The following ZNF575 variants were observed in gnomAD, a reference collection of about 807,000 sequenced individuals.
The protein encoded by ZNF575 is zinc finger protein 575.
Under a neutral mutation model 17.5 loss-of-function variants are expected in ZNF575, and 17 were observed. The ratio of observed to expected loss-of-function variants is 0.97; its 90% CI spans 0.66 to 1.45. The LOEUF is 1.45. Ranked by LOEUF, ZNF575 falls within the 40% of genes most tolerant of loss-of-function variation. ZNF575 has a pLI of 0.00. For missense variants in ZNF575, 352 were observed against 359.2 expected (o/e 0.98, Z 0.16); for synonymous variants, 146 against 158.3 (o/e 0.92, Z 0.58).
chr19:43,535,541 T>C lies in ZNF575; in HGVS notation c.592T>C (p.Cys198Arg), dbSNP rs376173848. Residue 198 changes from cysteine (C) to arginine (R), a missense_variant, in exon 4 of 4, where the codon TGT (cysteine) becomes CGT (arginine). Physicochemically the swap from Cys to Arg is radical, Grantham distance 180 (BLOSUM62 -3). Transcript: ENST00000314228. ...FPSKLAAHRL[C>R]HDPPTAPGSQ... is the part of the protein sequence containing the mutation. ...CTCCAAGCTGGCCGCCCATCGCCTA[T>C]GTCACGACCCCCCAACCGCGCCCGG... 3 of 1,613,824 alleles carry C rather than the reference T, an allele frequency of 1.9e-6. No individual in the cohort carries two copies. Among genetic ancestry groups the C allele is most frequent in the Non-Finnish European group, 1.7e-6 (2 of 1,179,962 alleles).
At position 43,534,318 on chromosome 19, in the gene ZNF575, G is replaced by A. The variant is rs760197324; in HGVS notation, c.-86-19G>A. The A allele has an allele frequency of 2.7e-6, 3 of 1,113,752 alleles. No individual in the cohort carries two copies. In the South Asian group the frequency reaches 4.1e-5, roughly 15 times the overall value. 69.0% of individuals were successfully genotyped at this position (1,113,752 alleles called of 1,614,324 possible). Reference sequence around the variant, plus strand: ...TACTTGCAGACCTTGCTCCTAAACAGTGTGATCCCTCATTTTAGGCCCTCC... The same window carrying A: ...TACTTGCAGACCTTGCTCCTAAACAATGTGATCCCTCATTTTAGGCCCTCC... On this transcript the variant is annotated intron_variant, in intron 2 of 3. Coordinates refer to ENST00000314228, the MANE Select transcript of ZNF575 (RefSeq NM_174945.3).
At chr19:43,534,591 T>C (rs1338691386) in intron 3 of ZNF575, 90 bp downstream of exon 3, 5 of 1,259,390 alleles carry the variant, frequency 4.0e-6, no homozygotes, top group Non-Finnish European at 5.3e-6. Flanking sequence ...GGTGAAAATT[T>C]GAGGGCCCTA....
Position 43,535,058 on chromosome 19 carries a change from AG to A in ZNF575, c.110del (p.Ser37ThrfsTer47). On this transcript the variant is annotated frameshift_variant, in exon 4 of 4. Transcript: ENST00000314228. LOFTEE classifies it high-confidence loss of function. ...CCACCAGGGCCCACCGCAGAAGCCC[AG>A]CCAGTCAGCTCCAGGGCCCACCGCG... ...APHQGPPQKP[S>X]QSAPGPTASA... 1 of 1,485,208 alleles carries A rather than the reference AG, an allele frequency of 6.7e-7. No homozygotes were observed. The highest frequency in any genetic ancestry group is 1.3e-5 in the South Asian group (1 of 77,274). The allele number at this position is 1,485,208 out of a possible 1,614,324, so 92.0% of individuals were successfully genotyped here.
At position 43,535,805 on chromosome 19, in the gene ZNF575, G is replaced by A; in HGVS notation, c.*118G>A. On this transcript the variant is annotated 3_prime_UTR_variant, in exon 4 of 4. Transcript: ENST00000314228. ...AGATAGCTGGCAGAGGGCAGGGCAA[G>A]GGATTGGCCATTTATACTGGGCTCG... 8.1e-7 allele frequency: 1 copy of A among 1,230,806 alleles called. No homozygotes were observed. Among genetic ancestry groups the A allele is most frequent in the Non-Finnish European group, 1.1e-6 (1 of 907,978 alleles). 76.2% of individuals were successfully genotyped at this position (1,230,806 alleles called of 1,614,324 possible). A position where few individuals can be genotyped will look rare whatever the true frequency, so the allele number is the denominator to read the frequency against.
upstream of ZNF575, chr19:43,531,941 A>ACTT (rs1216610101): frequency 2.9e-5 from 5 of 172,258 alleles, no homozygotes; most frequent in African/African-American, 3.4e-4. Context: ...ATTAAGCCAG[A>ACTT]CTTTTTTTTT....
chr19:43,531,944 T>TAA, upstream of ZNF575: 2 of 200,424 alleles, frequency 1.0e-5, no homozygotes, highest in Admixed American at 1.0e-4. Flanking sequence ...AAGCCAGACT[T>TAA]TTTTTTTTTT....
chr19:43,533,414 G>A lies in ZNF575; in HGVS notation c.-302G>A, dbSNP rs1422732635. On this transcript the variant is annotated 5_prime_UTR_variant, in exon 1 of 4. Transcript: ENST00000314228. ...CGACGCCGGACGCGCGCCGGGCGGGGCAGCTCCGCTGGTCCGAGGGCAGTG... is the reference window on the plus strand; with the variant it reads ...CGACGCCGGACGCGCGCCGGGCGGGACAGCTCCGCTGGTCCGAGGGCAGTG... The A allele has an allele frequency of 6.6e-6, 1 of 152,174 alleles. No individual in the cohort carries two copies. Among genetic ancestry groups the A allele is most frequent in the Non-Finnish European group, 1.5e-5 (1 of 68,030 alleles). The allele number at this position is 152,174 out of a possible 1,614,324, so 9.4% of individuals were successfully genotyped here.
chr19:43,531,942 C>CTT (rs869122064), upstream of ZNF575: 631 of 107,182 alleles, frequency 5.9e-3, 38 homozygotes, highest in African/African-American at 0.021. Flanking sequence ...TTAAGCCAGA[C>CTT]TTTTTTTTTT....
intron 3 of ZNF575, among the ~76,000 whole-genome samples, 153 bp from the exon 4 acceptor site, chr19:43,534,876 C>A (rs1040852245): frequency 3.3e-5 from 5 of 152,088 alleles, no homozygotes; most frequent in Non-Finnish European, 5.9e-5. Context: ...GAGGGGGGAG[C>A]AGAAACATGC....
In ZNF575 at chr19:43,534,379, C is replaced by A. The variant is rs747130334; in HGVS notation, c.-44C>A. The A allele has an allele frequency of 5.7e-5, 87 of 1,532,222 alleles. No homozygotes were observed. The highest frequency in any genetic ancestry group is 7.6e-5 in the Non-Finnish European group (86 of 1,135,582). 94.9% of individuals were successfully genotyped at this position (1,532,222 alleles called of 1,614,324 possible). A position where few individuals can be genotyped will look rare whatever the true frequency, so the allele number is the denominator to read the frequency against. ...CCATCAGCCTGGTCATCACCGGCGT[C>A]ACCCCCGCCCCGCGCCCTGCCCCTA... On this transcript the variant is annotated 5_prime_UTR_variant, in exon 3 of 4. Coordinates refer to ENST00000314228, the MANE Select transcript of ZNF575 (RefSeq NM_174945.3).
rs1467428570 is a variant in ZNF575 at position 43,533,203 on chromosome 19, C to T, written c.-513C>T. 4 of 152,364 alleles carry T rather than the reference C, an allele frequency of 2.6e-5. No homozygotes were observed. Among genetic ancestry groups the T allele is most frequent in the Middle Eastern group, 3.1e-3 (1 of 318 alleles). The allele number at this position is 152,364 out of a possible 1,614,324, so 9.4% of individuals were successfully genotyped here. A position where few individuals can be genotyped will look rare whatever the true frequency, so the allele number is the denominator to read the frequency against. ...TCGATACGGTAGCTTCGCGCTTGCT[C>T]ACGAACTTGCCTGCCTGGCTGGCGC... On this transcript the variant is annotated 5_prime_UTR_variant, in exon 1 of 4. Transcript: ENST00000314228.
In ZNF575 at chr19:43,533,237, C is replaced by A. The variant is rs1429264168; in HGVS notation, c.-479C>A. On this transcript the variant is annotated 5_prime_UTR_variant, in exon 1 of 4. Transcript: ENST00000314228. ...GCCTGCCTGGCTGGCGCACCCAGCC[C>A]CTCCTTCCATTCCTTCTTCCCCCTC... The A allele has an allele frequency of 6.6e-6, 1 of 152,344 alleles. No homozygotes were observed. The highest frequency in any genetic ancestry group is 2.4e-5 in the African/African-American group (1 of 41,466). The allele number at this position is 152,344 out of a possible 1,614,324, so 9.4% of individuals were successfully genotyped here.
chr19:43,532,825 G>C (rs1289031958), upstream of ZNF575: 1 of 152,304 alleles, frequency 6.6e-6, no homozygotes, highest in African/African-American at 2.4e-5. Flanking sequence ...GGGGAAGGTA[G>C]ATGGGTGCGT....
Position 43,534,390 on chromosome 19 carries a change from CGCGCCCT to C in ZNF575, c.-30_-24del. On this transcript the variant is annotated 5_prime_UTR_variant, in exon 3 of 4. Coordinates refer to ENST00000314228, the MANE Select transcript of ZNF575 (RefSeq NM_174945.3). The stretch of plus-strand genomic sequence containing the variant: ...GTCATCACCGGCGTCACCCCCGCCC[CGCGCCCT>C]GCCCCTAGGTTCCTGTGCCAGCAAG... 2 of 1,541,248 alleles carry C rather than the reference CGCGCCCT, an allele frequency of 1.3e-6. No individual in the cohort carries two copies. Among genetic ancestry groups the C allele is most frequent in the Non-Finnish European group, 1.7e-6 (2 of 1,143,498 alleles).
Position 43,535,579 on chromosome 19 carries a change from T to C in ZNF575, c.630T>C (p.Thr210=), listed in dbSNP as rs554760215. The C allele has an allele frequency of 3.7e-6, 6 of 1,613,864 alleles. No homozygotes were observed. The African/African-American group carries it at 6.7e-5, about 18-fold the overall frequency. The change falls in exon 4 of 4, where the codon ACT becomes ACC. Residue 210 remains threonine, a synonymous_variant. Transcript: ENST00000314228. ...CAACCGCGCCCGGCAGCCAGGCGAC[T>C]GCCTGGCACCGATGCTCCAGCTGCG... ...DPPTAPGSQA[T]AWHRCSSCGQ... is the part of the protein sequence containing the mutation.
rs1343320323 is a variant in ZNF575, at chr19:43,535,977, G to T, written c.*290G>T. 2 of 414,252 alleles carry T rather than the reference G, an allele frequency of 4.8e-6. No homozygotes were observed. The highest frequency in any genetic ancestry group is 7.9e-5 in the Admixed American group (2 of 25,170). The allele number at this position is 414,252 out of a possible 1,614,324, so 25.7% of individuals were successfully genotyped here. ...AAAAAGTCTGCTACTATCGTGGGTTGATGAGGATTGTGGGCAAACAGGCTC... is the reference window on the plus strand; with the variant it reads ...AAAAAGTCTGCTACTATCGTGGGTTTATGAGGATTGTGGGCAAACAGGCTC... On this transcript the variant is annotated 3_prime_UTR_variant, in exon 4 of 4. Coordinates refer to ENST00000314228, the MANE Select transcript of ZNF575 (RefSeq NM_174945.3).
At position 43,534,466 on chromosome 19, in the gene ZNF575, CT is replaced by C; in HGVS notation, c.45del (p.Ser16ValfsTer8). 1 of 1,507,884 alleles carries C rather than the reference CT, an allele frequency of 6.6e-7. No homozygotes were observed. The highest frequency in any genetic ancestry group is 1.4e-5 in the African/African-American group (1 of 70,914). The allele number at this position is 1,507,884 out of a possible 1,614,324, so 93.4% of individuals were successfully genotyped here. A position where few individuals can be genotyped will look rare whatever the true frequency, so the allele number is the denominator to read the frequency against. On this transcript the variant is annotated frameshift_variant, in exon 3 of 4. Transcript: ENST00000314228. LOFTEE classifies it high-confidence loss of function. ...GAESAAGATD[P>X]SPTGKEPVTK... The stretch of plus-strand genomic sequence containing the variant: ...GAGTCCGCGGCCGGGGCTACCGATC[CT>C]AGTCCCACTGGCAAGGAACCAGTGA...
At chr19:43,532,501 C>T (rs1972356706), upstream of ZNF575, among the ~76,000 whole-genome samples, 1 of 152,186 alleles carries the variant, frequency 6.6e-6, no homozygotes, top group African/African-American at 2.4e-5. Flanking sequence ...GATGAGGAAA[C>T]AGGCCTAGAA....
At position 43,534,382 on chromosome 19, in the gene ZNF575, C is replaced by T. The variant is rs1972384310; in HGVS notation, c.-41C>T. On this transcript the variant is annotated 5_prime_UTR_variant, in exon 3 of 4. Transcript: ENST00000314228. ...TCAGCCTGGTCATCACCGGCGTCAC[C>T]CCCGCCCCGCGCCCTGCCCCTAGGT... 1 of 1,537,822 alleles carries T rather than the reference C, an allele frequency of 6.5e-7. No homozygotes were observed. The highest frequency in any genetic ancestry group is 8.8e-7 in the Non-Finnish European group (1 of 1,140,362).
Sources: allele counts gnomAD v4.1 joint callset (sites outside exome capture counted in the v4.1 genomes callset), GRCh38; gene constraint gnomAD v4.1.1; transcripts MANE v1.5; gene names NCBI Gene and HGNC (gene_info 2026-07-23, HGNC 2026-07-21).